Variants in UNC5D observed in about 807,000 individuals in gnomAD.
UNC5D encodes the protein netrin receptor UNC5D.
UNC5D carries 39 observed loss-of-function variants against 105.4 expected under a neutral mutation model. That is an observed-to-expected ratio of 0.37 (90% CI 0.29 to 0.48). The LOEUF (loss-of-function observed/expected upper bound fraction) is 0.48. UNC5D is among the 20% of genes least tolerant of loss of function. The pLI is 0.98. For missense variants in UNC5D, 991 were observed against 1,202.4 expected, an observed-to-expected ratio of 0.82 and a Z score of 2.60; for synonymous variants, 452 against 450.4, an observed-to-expected ratio of 1.00 and a Z score of -0.04.
chr8:35,638,168 C>T (rs1164141432), intron 4 of UNC5D, among the ~76,000 whole-genome samples: 1 of 152,186 alleles, frequency 6.6e-6, no homozygotes, highest in East Asian at 1.9e-4. Flanking sequence ...GTCACCTATA[C>T]TTCCTGTACA....
chr8:35,409,761 T>C (rs1286086322), intron 1 of UNC5D, among the ~76,000 whole-genome samples: 1 of 152,026 alleles, frequency 6.6e-6, no homozygotes, highest in Non-Finnish European at 1.5e-5. Flanking sequence ...ACCAAGTTTT[T>C]CCCTATGATC....
intron 3 of UNC5D, among the ~76,000 whole-genome samples, chr8:35,587,011 T>C (rs564525769): frequency 6.6e-6 from 1 of 152,322 alleles, no homozygotes; most frequent in South Asian, 2.1e-4. Context: ...GGGAGGCTGC[T>C]GCTTCCCAAG....
At chr8:35,471,971 ATCAGT>A (rs1809764898) in intron 1 of UNC5D, among the ~76,000 whole-genome samples, 1 of 152,240 alleles carries the variant, frequency 6.6e-6, no homozygotes, top group Non-Finnish European at 1.5e-5. Context: ...TTCTTTGTGA[ATCAGT>A]ACTAGACAGG....
intron 13 of UNC5D, among the ~76,000 whole-genome samples, chr8:35,752,715 A>T (rs762972391): frequency 7.9e-5 from 12 of 152,250 alleles, no homozygotes; most frequent in Non-Finnish European, 1.8e-4. Flanking sequence ...AAAAAGAAAG[A>T]ATAAATATCT....
At chr8:35,239,170 T>G (rs928916451) in intron 1 of UNC5D, among the ~76,000 whole-genome samples, 3 of 152,066 alleles carry the variant, frequency 2.0e-5, no homozygotes, top group Non-Finnish European at 4.4e-5. Context: ...TTGTCACCCT[T>G]TGCATACTTT....
intron 3 of UNC5D, among the ~76,000 whole-genome samples, chr8:35,577,779 A>G (rs1437707049): frequency 6.6e-6 from 1 of 152,212 alleles, no homozygotes; most frequent in Non-Finnish European, 1.5e-5. Flanking sequence ...GTAACTAGAT[A>G]ATAGCATTGC....
At chr8:35,755,183 C>T (rs1830458782) in intron 13 of UNC5D, among the ~76,000 whole-genome samples, 1 of 152,168 alleles carries the variant, frequency 6.6e-6, no homozygotes, top group African/African-American at 2.4e-5. Flanking sequence ...CATGCATGCA[C>T]AGCCCAAACA....
rs150458784 is a variant in UNC5D at position 35,338,551 on chromosome 8, T to C, written c.103+102664T>C. Among the ~76,000 whole-genome samples, 1,324 of 152,070 alleles carry C rather than the reference T, an allele frequency of 8.7e-3. 23 individuals carry two copies. The highest frequency in any genetic ancestry group is 0.031 in the African/African-American group (1,275 of 41,488). ...TTATACTGAGATTTTTCAGTGACCA[T>C]GGAGATTTTCTGTTAGAGACCAGAG... On this transcript the variant is annotated intron_variant, in intron 1 of 16. Coordinates refer to ENST00000404895, the MANE Select transcript of UNC5D (RefSeq NM_080872.4).
rs1395431246 is a variant in UNC5D at position 35,628,949 on chromosome 8, A to G, written c.570+33292A>G. ...CTGATTATACAGATGAGCAAAATCA[A>G]TCTCAAAATGAAAACAGTCAAATTC... On this transcript the variant is annotated intron_variant, in intron 4 of 16. Transcript: ENST00000404895. Among the ~76,000 whole-genome samples, 6 of 152,218 alleles carry G rather than the reference A, an allele frequency of 3.9e-5. No homozygotes were observed. In the East Asian group the frequency reaches 9.6e-4, roughly 24 times the overall value.
Position 35,549,325 on chromosome 8 carries a change from T to A in UNC5D, c.137T>A (p.Ile46Asn). 1 of 1,613,338 alleles carries A rather than the reference T, an allele frequency of 6.2e-7. No homozygotes were observed. Among genetic ancestry groups the A allele is most frequent in the Non-Finnish European group, 8.5e-7 (1 of 1,180,024 alleles). ...AATGGCGAAGCCCTTCCCGAATCCATCCCATCAGCTCCTGGGACACTGCCT... is the reference window on the plus strand; with the variant it reads ...AATGGCGAAGCCCTTCCCGAATCCAACCCATCAGCTCCTGGGACACTGCCT... ...TDNGEALPESIPSAPGTLPHF... is the reference protein window; with the variant it reads ...TDNGEALPESNPSAPGTLPHF... Residue 46 changes from isoleucine (I) to asparagine (N), a missense_variant, in exon 2 of 17, where the codon ATC (isoleucine) becomes AAC (asparagine). By Grantham distance (149) the Ile-to-Asn change is moderately radical. This residue lies in a region of UNC5D where 944 missense variants were observed against 1,131.6 expected (regional missense o/e 0.83). Coordinates refer to ENST00000404895, the MANE Select transcript of UNC5D (RefSeq NM_080872.4).
At chr8:35,737,920 A>C (rs1223027941) in intron 11 of UNC5D, among the ~76,000 whole-genome samples, 1 of 152,108 alleles carries the variant, frequency 6.6e-6, no homozygotes, top group Non-Finnish European at 1.5e-5. Flanking sequence ...CAGCCTGACC[A>C]ACATGGAAAA....
chr8:35,413,346 T>C (rs1335450806), intron 1 of UNC5D, among the ~76,000 whole-genome samples: 1 of 149,648 alleles, frequency 6.7e-6, no homozygotes. Flanking sequence ...AAATTGGAGA[T>C]GGACATCTGG....
At chr8:35,260,184 G>A (rs567932529) in intron 1 of UNC5D, among the ~76,000 whole-genome samples, 1 of 152,200 alleles carries the variant, frequency 6.6e-6, no homozygotes, top group Admixed American at 6.5e-5. Flanking sequence ...CAGAGGGAAC[G>A]GTTCACCTGT....
chr8:35,577,571 A>G (rs1563553230), intron 3 of UNC5D, among the ~76,000 whole-genome samples: 1 of 152,242 alleles, frequency 6.6e-6, no homozygotes, highest in Non-Finnish European at 1.5e-5. Context: ...GTTTTAAAAG[A>G]TGAATGAATG....
At chr8:35,512,463 G>T (rs1402538496) in intron 1 of UNC5D, among the ~76,000 whole-genome samples, 1 of 58,682 alleles carries the variant, frequency 1.7e-5, no homozygotes, top group Non-Finnish European at 3.1e-5. Flanking sequence ...CTAATAGTGA[G>T]CCATATATAT....
At chr8:35,434,406 T>C (rs1373918062) in intron 1 of UNC5D, among the ~76,000 whole-genome samples, 3 of 152,094 alleles carry the variant, frequency 2.0e-5, no homozygotes, top group Admixed American at 6.5e-5. Flanking sequence ...TTAAAGTAAG[T>C]AATTTTAAAT....
chr8:35,669,225 GAATT>G (rs1824616824), intron 4 of UNC5D, among the ~76,000 whole-genome samples: 1 of 152,056 alleles, frequency 6.6e-6, no homozygotes, highest in South Asian at 2.1e-4. Flanking sequence ...ATGCATCACT[GAATT>G]AATTATTCAC....
intron 1 of UNC5D, among the ~76,000 whole-genome samples, chr8:35,248,931 A>G (rs1354148857): frequency 1.1e-5 from 1 of 94,654 alleles, no homozygotes; most frequent in Non-Finnish European, 1.8e-5. Context: ...TATAATATAA[A>G]TATATAATAT....
intron 1 of UNC5D, among the ~76,000 whole-genome samples, chr8:35,326,693 G>A (rs1810187161): frequency 6.6e-6 from 1 of 152,030 alleles, no homozygotes; most frequent in Non-Finnish European, 1.5e-5. Context: ...GGAGTCAGGG[G>A]CTGCGGTGAG....
Sources: allele counts gnomAD v4.1 joint callset (sites outside exome capture counted in the v4.1 genomes callset), GRCh38; gene constraint gnomAD v4.1.1; regional missense constraint gnomAD v4.1.1; transcripts MANE v1.5; gene names NCBI Gene and HGNC (gene_info 2026-07-23, HGNC 2026-07-21).